CASP4: variants seen among roughly 807,000 people sequenced by gnomAD.
CASP4 encodes the protein caspase 4, also known as caspase-4.
CASP4 carries 29 observed loss-of-function variants against 41.3 expected under a neutral mutation model. The observed-to-expected ratio is 0.70, with a 90% confidence interval of 0.52 to 0.96. CASP4 has a LOEUF of 0.96. Among genes scored for constraint, CASP4 ranks in the 40% least tolerant of loss-of-function variants. CASP4 has a pLI of 0.00. For synonymous variants in CASP4, 185 were observed against 158.4 expected, an observed-to-expected ratio of 1.17 and a Z score of -1.26; for missense variants, 447 against 460.6, an observed-to-expected ratio of 0.97 and a Z score of 0.27.
At chr11:104,946,405 TAGTG>T (rs1860460311) in intron 7 of CASP4, among the ~76,000 whole-genome samples, 1 of 152,184 alleles carries the variant, frequency 6.6e-6, no homozygotes, top group Non-Finnish European at 1.5e-5. Flanking sequence ...GTTTGCATGT[TAGTG>T]AGTAAATACA....
At position 104,954,937 on chromosome 11, in the gene CASP4, A is replaced by G; in HGVS notation, c.72T>C (p.Gly24=). The change falls in exon 2 of 9, where the codon GGT becomes GGC. Residue 24 remains glycine (G), a synonymous_variant. Transcript: ENST00000444739. ...LESLGKDFLT[G]VLDNLVEQNV... is the part of the protein sequence containing the mutation. ...TTTGTTCCACCAAGTTATCCAAAAC[A>G]CCAGTGAGGAAATCTTTGCCCAGGG... is the stretch of plus-strand genomic sequence containing the variant. 1 of 1,612,554 alleles carries G rather than the reference A, an allele frequency of 6.2e-7. No individual in the cohort carries two copies. Among genetic ancestry groups the G allele is most frequent in the East Asian group, 2.2e-5 (1 of 44,836 alleles).
intron 8 of CASP4, 29 bp downstream of exon 8, chr11:104,944,719 C>T: frequency 2.2e-6 from 3 of 1,367,560 alleles, no homozygotes; most frequent in Non-Finnish European, 3.1e-6. Flanking sequence ...ATTTATTTCA[C>T]ATACCACCAA....
chr11:104,960,470 G>T (rs1357891376), intron 1 of CASP4, among the ~76,000 whole-genome samples: 1 of 151,792 alleles, frequency 6.6e-6, no homozygotes, highest in Non-Finnish European at 1.5e-5. Flanking sequence ...ATTTATTTAT[G>T]TATTTATATA....
intron 1 of CASP4, among the ~76,000 whole-genome samples, chr11:104,967,021 A>C (rs1860989873): frequency 6.6e-6 from 1 of 152,222 alleles, no homozygotes; most frequent in Admixed American, 6.5e-5. Flanking sequence ...TAATCACTGA[A>C]TGAAAGCTGC....
chr11:104,960,657 A>G (rs955017013), intron 1 of CASP4, among the ~76,000 whole-genome samples: 1 of 152,216 alleles, frequency 6.6e-6, no homozygotes, highest in Admixed American at 6.5e-5. Flanking sequence ...TTTAGTAGAG[A>G]TGGGGATTCA....
Position 104,944,850 on chromosome 11 carries a change from A to G in CASP4, c.1037T>C (p.Val346Ala). ...CCHLEEVFRKVQQSFETPRAK... is the reference protein window; with the variant it reads ...CCHLEEVFRKAQQSFETPRAK... ...CCTTGGAGTTTCAAATGATTGCTGT[A>G]CCTGAAAAAGAAAATAGGCTGTAGA... The change falls in exon 8 of 9, where the codon GTA (valine) becomes GCA (alanine). Residue 346 changes from valine (V) to alanine (A), a missense_variant and splice_region_variant. By Grantham distance (64) the Val-to-Ala change is moderately conservative (BLOSUM62 0). Coordinates refer to ENST00000444739, the MANE Select transcript of CASP4 (RefSeq NM_001225.4). 1.2e-6 allele frequency: 2 copies of G among 1,606,208 alleles called. No homozygotes were observed. The highest frequency in any genetic ancestry group is 1.7e-6 in the Non-Finnish European group (2 of 1,173,018).
intron 7 of CASP4, 61 bp downstream of exon 7, chr11:104,947,022 A>G: frequency 1.7e-6 from 2 of 1,204,868 alleles, no homozygotes; most frequent in Non-Finnish European, 1.2e-6. Context: ...TGAAGTAAAA[A>G]GTGAATCATG....
rs200954001 is a variant in CASP4 at position 104,948,539 on chromosome 11, T to C, written c.919A>G (p.Thr307Ala). Reference sequence around the variant, plus strand: ...GCCACTGAAAGATACATACGTGGCGTTGAAGAGCAGAAAGCAATGAAGTCC... The same window carrying C: ...GCCACTGAAAGATACATACGTGGCGCTGAAGAGCAGAAAGCAATGAAGTCC... The part of the protein sequence containing the change: ...EKDFIAFCSS[T>A]PHNVSWRDST... The change falls in exon 6 of 9, where the codon ACG becomes GCG. Residue 307 changes from threonine to alanine, a missense_variant. Transcript: ENST00000444739. 6.9e-5 allele frequency: 111 copies of C among 1,604,124 alleles called. No individual in the cohort carries two copies. The highest frequency in any genetic ancestry group is 9.0e-5 in the Non-Finnish European group (106 of 1,173,922).
chr11:104,944,368 C>CTCTCTCTCTCTCTCTCTG (rs1491122445), intron 8 of CASP4: 14 of 141,318 alleles, frequency 9.9e-5, no homozygotes, highest in African/African-American at 2.7e-4. Flanking sequence ...CTCTCTCTCT[C>CTCTCTCTCTCTCTCTCTG]TGTGTGTGTG....
Position 104,951,898 on chromosome 11 carries a change from C to A in CASP4, c.370G>T (p.Glu124Ter). The change falls in exon 3 of 9, where the codon GAG becomes TAG. Residue 124 changes from glutamate to a stop codon, truncating the protein, a stop_gained and splice_region_variant. Coordinates refer to ENST00000444739, the MANE Select transcript of CASP4 (RefSeq NM_001225.4). LOFTEE classifies it high-confidence loss of function. ...ATTTCATATAGATAGCATAGCACCT[C>A]TTCAGCTCTTTCTTTACATAGTCTC... ...FLRLCKERAE[E>*]IYPIKERNNR... 1 of 1,595,048 alleles carries A rather than the reference C, an allele frequency of 6.3e-7. No homozygotes were observed. Among genetic ancestry groups the A allele is most frequent in the Non-Finnish European group, 8.6e-7 (1 of 1,163,426 alleles).
chr11:104,947,384 G>A, intron 6 of CASP4, 192 bp from the exon 7 acceptor site: 1 of 378,808 alleles, frequency 2.6e-6, no homozygotes, highest in Non-Finnish European at 4.7e-6. Context: ...AGCAAAAGGT[G>A]ATCAAAAGTT....
Position 104,947,147 on chromosome 11 carries a change from G to A in CASP4, c.971C>T (p.Thr324Ile), listed in dbSNP as rs754602711. The A allele has an allele frequency of 5.6e-6, 9 of 1,613,136 alleles. No individual in the cohort carries two copies. The highest frequency in any genetic ancestry group is 3.3e-5 in the Admixed American group (2 of 59,986). The change falls in exon 7 of 9, where the codon ACA (threonine) becomes ATA (isoleucine). Residue 324 changes from threonine (T) to isoleucine (I), a missense_variant. Thr to Ile is a moderately conservative substitution (Grantham distance 89, BLOSUM62 -1). Coordinates refer to ENST00000444739, the MANE Select transcript of CASP4 (RefSeq NM_001225.4). ...RDSTMGSIFI[T>I]QLITCFQKYS... ...TTTCTGGAAGCATGTGATGAGTTGT[G>A]TGATGAAGATAGAGCCCATTGTGCT...
rs191355853 is a variant in CASP4 at position 104,967,253 on chromosome 11, C to A, written c.7+1266G>T. Among the ~76,000 whole-genome samples the A allele has an allele frequency of 2.0e-3, 301 of 152,256 alleles. 1 individual carries two copies. Among genetic ancestry groups the A allele is most frequent in the Middle Eastern group, 0.017 (5 of 294 alleles). The stretch of plus-strand genomic sequence containing the variant: ...ATTTACCCTATCTTTATCTAATGAT[C>A]CCTTGATTCCAGAGCTTAAGTTAAA... On this transcript the variant is annotated intron_variant, in intron 1 of 8. Transcript: ENST00000444739.
At chr11:104,951,256 A>G (rs1860605937) in intron 3 of CASP4, 158 bp from the exon 4 acceptor site, 3 of 565,424 alleles carry the variant, frequency 5.3e-6, no homozygotes, top group Non-Finnish European at 9.1e-6. Context: ...AACCCAGGGA[A>G]AGAACCGGAC....
chr11:104,962,328 T>TCC (rs1491424909), intron 1 of CASP4, among the ~76,000 whole-genome samples: 2 of 152,146 alleles, frequency 1.3e-5, no homozygotes, highest in Non-Finnish European at 2.9e-5. Context: ...AGGTTTCTGG[T>TCC]CTCTCTCTCT....
intron 3 of CASP4, 100 bp downstream of exon 3, chr11:104,951,796 A>G (rs1860619154): frequency 1.3e-6 from 1 of 788,602 alleles, no homozygotes; most frequent in African/African-American, 1.7e-5. Context: ...GGTTACTGTC[A>G]TCCCCACCCC....
rs1349376999 is a variant in CASP4 at position 104,968,542 on chromosome 11, C to T, written c.-17G>A. On this transcript the variant is annotated 5_prime_UTR_variant, in exon 1 of 9. Coordinates refer to ENST00000444739, the MANE Select transcript of CASP4 (RefSeq NM_001225.4). ...ACCTGCCATAGGGAACAGCCTCTGT[C>T]CTTTTTTACAGCGTTGGAAAGAGCC... 1.9e-6 allele frequency: 3 copies of T among 1,612,902 alleles called. No homozygotes were observed. The highest frequency in any genetic ancestry group is 2.5e-6 in the Non-Finnish European group (3 of 1,179,078).
chr11:104,955,570 TTAAAG>T (rs1158426493), intron 1 of CASP4, among the ~76,000 whole-genome samples: 1 of 52,396 alleles, frequency 1.9e-5, no homozygotes, highest in East Asian at 3.9e-3. Flanking sequence ...AATACATAAA[TTAAAG>T]AATAAATGGA....
At chr11:104,957,366 T>C (rs1860759433) in intron 1 of CASP4, among the ~76,000 whole-genome samples, 1 of 152,096 alleles carries the variant, frequency 6.6e-6, no homozygotes, top group Non-Finnish European at 1.5e-5. Context: ...CGTAAAAGTA[T>C]AAAACTTCAA....
Sources: allele counts gnomAD v4.1 joint callset (sites outside exome capture counted in the v4.1 genomes callset), GRCh38; gene constraint gnomAD v4.1.1; transcripts MANE v1.5; gene names NCBI Gene and HGNC (gene_info 2026-07-23, HGNC 2026-07-21).